The following CCBE1 variants were observed in gnomAD, a reference collection of about 807,000 sequenced individuals.
CCBE1 encodes the protein collagen and calcium-binding EGF domain-containing protein 1.
A neutral mutation model predicts 50.0 loss-of-function variants in CCBE1; 37 were observed. The observed-to-expected ratio is 0.74, with a 90% CI of 0.57 to 0.97. CCBE1 has a LOEUF of 0.97. CCBE1 is among the 50% of genes least tolerant of loss of function. The pLI, the probability that CCBE1 is intolerant of heterozygous loss-of-function variation, is 0.00. For synonymous variants in CCBE1, 234 were observed against 203.7 expected (o/e 1.15, Z -1.27); for missense variants, 538 against 523.8 (o/e 1.03, Z -0.26).
At chr18:59,655,689 T>C (rs2054179903) in intron 2 of CCBE1, among the ~76,000 whole-genome samples, 1 of 152,226 alleles carries the variant, frequency 6.6e-6, no homozygotes, top group African/African-American at 2.4e-5. Flanking sequence ...GAGCTGGTTT[T>C]GCCAACCTCC....
intron 2 of CCBE1, among the ~76,000 whole-genome samples, chr18:59,610,016 A>G (rs2053548905): frequency 6.6e-6 from 1 of 152,248 alleles, no homozygotes; most frequent in African/African-American, 2.4e-5. Context: ...GTAGCACACA[A>G]ACCTAATATT....
intron 2 of CCBE1, among the ~76,000 whole-genome samples, chr18:59,658,417 A>C (rs1402340037): frequency 3.7e-5 from 3 of 80,368 alleles, no homozygotes; most frequent in Admixed American, 1.8e-4. Context: ...ATATATATAT[A>C]AAGTTAGCTA....
intron 3 of CCBE1, among the ~76,000 whole-genome samples, chr18:59,471,644 C>T (rs1912039657): frequency 6.6e-6 from 1 of 152,140 alleles, no homozygotes; most frequent in East Asian, 1.9e-4. Flanking sequence ...AAACACCCAC[C>T]TTCTTCTTCC....
chr18:59,635,643 C>T (rs2053905876), intron 2 of CCBE1, among the ~76,000 whole-genome samples: 1 of 151,626 alleles, frequency 6.6e-6, no homozygotes, highest in African/African-American at 2.4e-5. Context: ...GAACAATAGA[C>T]ATGAAGGTGA....
At position 59,652,884 on chromosome 18, in the gene CCBE1, A is replaced by T. The variant is rs576970493; in HGVS notation, c.212+43745T>A. Among the ~76,000 whole-genome samples the T allele has an allele frequency of 1.2e-4, 19 of 152,248 alleles. 1 individual carries two copies. In the South Asian group the frequency reaches 3.9e-3, roughly 32 times the overall value. On this transcript the variant is annotated intron_variant, in intron 2 of 10. Coordinates refer to ENST00000439986, the MANE Select transcript of CCBE1 (RefSeq NM_133459.4). The stretch of plus-strand genomic sequence containing the variant: ...GAGGCTGAGGCAGGAGAATGGTGTG[A>T]ACCTGGGAGGCGGAGCTTGCAGTGA...
intron 5 of CCBE1, among the ~76,000 whole-genome samples, chr18:59,464,416 A>G (rs4998989): frequency 0.37 from 56,929 of 151,918 alleles, 11,312 homozygotes; most frequent in East Asian, 0.67. Context: ...AGCCTGGGCA[A>G]CAGAGCAAGA....
intron 2 of CCBE1, among the ~76,000 whole-genome samples, chr18:59,492,144 CAAAAA>C (rs869190811): frequency 0.09 from 7,053 of 78,654 alleles, 312 homozygotes; most frequent in East Asian, 0.3. Flanking sequence ...GACTTTGTCT[CAAAAA>C]AAAAAAAAAA....
intron 2 of CCBE1, among the ~76,000 whole-genome samples, chr18:59,484,458 A>G (rs904649839): frequency 2.6e-5 from 4 of 152,236 alleles, no homozygotes; most frequent in African/African-American, 9.6e-5. Context: ...ATCCCTTACA[A>G]TCTCTCTTTC....
intron 2 of CCBE1, among the ~76,000 whole-genome samples, chr18:59,549,967 G>A (rs1437928120): frequency 1.3e-5 from 2 of 152,196 alleles, no homozygotes; most frequent in African/African-American, 2.4e-5. Context: ...GTGCCAGATG[G>A]TTGTTGGACT....
intron 2 of CCBE1, among the ~76,000 whole-genome samples, chr18:59,503,790 C>G (rs1913738694): frequency 6.6e-6 from 1 of 152,222 alleles, no homozygotes; most frequent in Non-Finnish European, 1.5e-5. Flanking sequence ...CCCCACTTCA[C>G]TTCTTCAGGA....
intron 2 of CCBE1, among the ~76,000 whole-genome samples, chr18:59,547,046 A>ACAGAGGGG (rs751205323): frequency 0.03 from 2,001 of 65,934 alleles, 126 homozygotes; most frequent in Non-Finnish European, 0.042. Flanking sequence ...AGAGAGGGGG[A>ACAGAGGGG]GAGAGGGGGA....
At chr18:59,531,014 G>A (rs925418074) in intron 2 of CCBE1, among the ~76,000 whole-genome samples, 5 of 151,214 alleles carry the variant, frequency 3.3e-5, no homozygotes, top group Admixed American at 6.6e-5. Context: ...TCTAAGTGGT[G>A]GCCCTGAATT....
chr18:59,580,314 A>C (rs1396574230), intron 2 of CCBE1, among the ~76,000 whole-genome samples: 1 of 152,184 alleles, frequency 6.6e-6, no homozygotes, highest in Non-Finnish European at 1.5e-5. Context: ...TCCCTGCTTC[A>C]AGTTGTCCCG....
chr18:59,653,957 TG>T (rs1433335692), intron 2 of CCBE1, among the ~76,000 whole-genome samples: 1 of 152,202 alleles, frequency 6.6e-6, no homozygotes, highest in Non-Finnish European at 1.5e-5. Context: ...AAACTACTGA[TG>T]CTAGAGATAT....
chr18:59,574,396 C>T (rs1445252087), intron 2 of CCBE1, among the ~76,000 whole-genome samples: 1 of 152,180 alleles, frequency 6.6e-6, no homozygotes, highest in African/African-American at 2.4e-5. Flanking sequence ...GCCACACTTA[C>T]AGGAAATGAA....
chr18:59,668,658 C>T (rs1439102666), intron 2 of CCBE1, among the ~76,000 whole-genome samples: 1 of 151,928 alleles, frequency 6.6e-6, no homozygotes. Flanking sequence ...ATTAAGCAGC[C>T]TCAAATGATG....
intron 2 of CCBE1, among the ~76,000 whole-genome samples, chr18:59,534,096 A>G (rs1915152931): frequency 7.1e-6 from 1 of 140,020 alleles, no homozygotes; most frequent in African/African-American, 2.7e-5. Context: ...TTAGTGATCT[A>G]TACATGGAAG....
chr18:59,466,255 G>T (rs2143718785), intron 5 of CCBE1, among the ~76,000 whole-genome samples: 1 of 152,036 alleles, frequency 6.6e-6, no homozygotes, highest in Admixed American at 6.6e-5. Flanking sequence ...AATCATGGGG[G>T]CAGGTCTTTC....
In CCBE1 at chr18:59,435,548, C is replaced by T. The variant is rs558281381; in HGVS notation, c.*360G>A. On this transcript the variant is annotated 3_prime_UTR_variant, in exon 11 of 11. Coordinates refer to ENST00000439986, the MANE Select transcript of CCBE1 (RefSeq NM_133459.4). ...TAGAGCTCACTTTGTCATTTTCCCC[C>T]TTTTGATACTCTGCCAAATTTAACT... The T allele has an allele frequency of 1.3e-5, 4 of 319,474 alleles. No individual in the cohort carries two copies. The highest frequency in any genetic ancestry group is 9.4e-5 in the South Asian group (3 of 32,068). 19.8% of individuals were successfully genotyped at this position (319,474 alleles called of 1,614,324 possible). A position where few individuals can be genotyped will look rare whatever the true frequency, so the allele number is the denominator to read the frequency against.
Sources: allele counts gnomAD v4.1 joint callset (sites outside exome capture counted in the v4.1 genomes callset), GRCh38; gene constraint gnomAD v4.1.1; transcripts MANE v1.5; gene names NCBI Gene and HGNC (gene_info 2026-07-23, HGNC 2026-07-21).